PARG: variants seen among roughly 807,000 people sequenced by gnomAD.
PARG encodes mitochondrial poly(ADP-ribose) glycohydrolase.
In PARG, 35 loss-of-function variants were observed where a neutral mutation model predicts 113.0. The observed-to-expected ratio is 0.31, with a 90% CI of 0.24 to 0.41. The LOEUF is 0.41. Ranked by LOEUF, PARG falls within the 10% of genes least tolerant of loss-of-function variation. PARG has a pLI of 1.00. For missense variants in PARG, 797 were observed against 1,169.4 expected (o/e 0.68, Z 4.64); for synonymous variants, 330 against 409.9 (o/e 0.81, Z 2.36).
intron 9 of PARG, among the ~76,000 whole-genome samples, chr10:49,873,398 A>G (rs1258927192): frequency 2.1e-5 from 3 of 145,756 alleles, no homozygotes; most frequent in African/African-American, 5.1e-5. Flanking sequence ...TTCAGAAGCC[A>G]CATAAAAGTG....
chr10:49,857,676 A>C (rs1449629627), intron 12 of PARG, among the ~76,000 whole-genome samples: 6 of 151,706 alleles, frequency 4.0e-5, no homozygotes, highest in African/African-American at 1.5e-4. Context: ...CAGAGAAGCA[A>C]TCTGGAAAAT....
intron 9 of PARG, among the ~76,000 whole-genome samples, chr10:49,878,470 T>G (rs1847053124): frequency 6.7e-6 from 1 of 150,206 alleles, no homozygotes; most frequent in Non-Finnish European, 1.5e-5. Flanking sequence ...ATACAAAAAT[T>G]AGCCAGGCGT....
chr10:49,890,858 C>A (rs1847739769), intron 7 of PARG, among the ~76,000 whole-genome samples: 1 of 152,192 alleles, frequency 6.6e-6, no homozygotes, highest in Non-Finnish European at 1.5e-5. Flanking sequence ...TTATACATGA[C>A]TAAGTACTAT....
intron 16 of PARG, among the ~76,000 whole-genome samples, chr10:49,823,680 T>C (rs2132352551): frequency 6.6e-6 from 1 of 152,110 alleles, no homozygotes; most frequent in South Asian, 2.1e-4. Context: ...CACCAAGAAG[T>C]ACCATTTCTT....
intron 7 of PARG, among the ~76,000 whole-genome samples, chr10:49,892,284 A>G (rs1309751333): frequency 6.6e-6 from 1 of 152,220 alleles, no homozygotes; most frequent in African/African-American, 2.4e-5. Context: ...AACAAAAAGA[A>G]AAGAAATATT....
Position 49,912,386 on chromosome 10 carries a change from C to T in PARG, c.1737+3531G>A, listed in dbSNP as rs367608277. Among the ~76,000 whole-genome samples the T allele has an allele frequency of 3.4e-4, 51 of 151,846 alleles. 1 individual carries two copies. The East Asian group carries it at 5.1e-3, about 15-fold the overall frequency. ...TGTTTAAGAACCCTTAGTTTAAGGCCGAGCGCGGTGGCTCATGCCTGTAAT... is the reference window on the plus strand; with the variant it reads ...TGTTTAAGAACCCTTAGTTTAAGGCTGAGCGCGGTGGCTCATGCCTGTAAT... On this transcript the variant is annotated intron_variant, in intron 7 of 17. Coordinates refer to ENST00000616448, the MANE Select transcript of PARG (RefSeq NM_003631.5).
chr10:49,911,260 G>T (rs1192040466), intron 7 of PARG, among the ~76,000 whole-genome samples: 2 of 150,046 alleles, frequency 1.3e-5, no homozygotes, highest in East Asian at 3.9e-4. Flanking sequence ...TCCAGCCTGA[G>T]TGACAGAGAA....
intron 7 of PARG, among the ~76,000 whole-genome samples, chr10:49,895,360 T>C (rs1243042026): frequency 6.6e-6 from 1 of 152,160 alleles, no homozygotes; most frequent in African/African-American, 2.4e-5. Context: ...TTCTACAAAA[T>C]GCCTGCTTGG....
chr10:49,852,566 CTTTTT>C (rs1275936912), intron 13 of PARG, among the ~76,000 whole-genome samples: 32 of 146,060 alleles, frequency 2.2e-4, no homozygotes, highest in African/African-American at 7.0e-4. Flanking sequence ...TCTTCTTCTT[CTTTTT>C]TTCTTTTTTT....
chr10:49,921,790 T>C (rs1298482105), intron 6 of PARG, among the ~76,000 whole-genome samples: 1 of 151,516 alleles, frequency 6.6e-6, no homozygotes, highest in African/African-American at 2.4e-5. Context: ...TTTTAGATAT[T>C]AGAAAAACAA....
intron 14 of PARG, 97 bp from the exon 15 acceptor site, chr10:49,842,155 A>G: frequency 1.3e-6 from 1 of 774,046 alleles, no homozygotes; most frequent in South Asian, 1.5e-5. Context: ...TAGCTCTGTT[A>G]AAATATTAAA....
At chr10:49,846,102 A>T (rs1564609229) in intron 13 of PARG, among the ~76,000 whole-genome samples, 1 of 151,742 alleles carries the variant, frequency 6.6e-6, no homozygotes, top group Non-Finnish European at 1.5e-5. Context: ...TTGATAAAAA[A>T]TTAACAAAAC....
rs151126265 is a variant in PARG at position 49,842,198 on chromosome 10, G to A, written c.2433-140C>T. ...CAGTGTCTGCAGGTCTGAGCAAAAG[G>A]AAAGGAAAGGAAACACCCTTTATTT... On this transcript the variant is annotated intron_variant, in intron 14 of 17. Coordinates refer to ENST00000616448, the MANE Select transcript of PARG (RefSeq NM_003631.5). The A allele has an allele frequency of 6.1e-3, 3,776 of 615,110 alleles. 18 individuals carry two copies. Among genetic ancestry groups the A allele is most frequent in the Middle Eastern group, 0.023 (74 of 3,268 alleles). The allele number at this position is 615,110 out of a possible 1,614,324, so 38.1% of individuals were successfully genotyped here. A position where few individuals can be genotyped will look rare whatever the true frequency, so the allele number is the denominator to read the frequency against.
chr10:49,901,694 A>AT (rs1236249090), intron 7 of PARG, among the ~76,000 whole-genome samples: 4 of 151,986 alleles, frequency 2.6e-5, no homozygotes, highest in Admixed American at 6.6e-5. Context: ...GTTAAAACAA[A>AT]TGCTATTACA....
At chr10:49,919,092 C>A (rs782094111) in intron 6 of PARG, among the ~76,000 whole-genome samples, 1 of 152,060 alleles carries the variant, frequency 6.6e-6, no homozygotes, top group East Asian at 1.9e-4. Context: ...AGGCACCCAC[C>A]ACCGTGCCCG....
intron 15 of PARG, among the ~76,000 whole-genome samples, chr10:49,841,534 T>G (rs929124895): frequency 6.6e-6 from 1 of 152,214 alleles, no homozygotes; most frequent in Admixed American, 6.5e-5. Context: ...AAATCTTACC[T>G]AAAATAGAAC....
chr10:49,841,942 T>C lies in PARG; in HGVS notation c.2541+8A>G. ...CTGCCAGATGAACTAAGAAATAAGG[T>C]TACTGGCCTTGTTCAGCTCGCGTCT... On this transcript the variant is annotated splice_region_variant and intron_variant, in intron 15 of 17. Transcript: ENST00000616448. The C allele has an allele frequency of 2.0e-6, 3 of 1,516,792 alleles. No homozygotes were observed. Among genetic ancestry groups the C allele is most frequent in the African/African-American group, 1.4e-5 (1 of 72,598 alleles). The allele number at this position is 1,516,792 out of a possible 1,614,324, so 94.0% of individuals were successfully genotyped here. A position where few individuals can be genotyped will look rare whatever the true frequency, so the allele number is the denominator to read the frequency against.
chr10:49,903,444 T>A (rs1848433029), intron 7 of PARG, among the ~76,000 whole-genome samples: 1 of 151,974 alleles, frequency 6.6e-6, no homozygotes, highest in African/African-American at 2.4e-5. Flanking sequence ...TTTTGTGTGC[T>A]GGACTACTCT....
chr10:49,880,812 A>G (rs1392412853), intron 8 of PARG, among the ~76,000 whole-genome samples: 1 of 152,204 alleles, frequency 6.6e-6, no homozygotes, highest in Non-Finnish European at 1.5e-5. Flanking sequence ...TTTTATAATA[A>G]TAAGACTCAA....
Sources: allele counts gnomAD v4.1 joint callset (sites outside exome capture counted in the v4.1 genomes callset), GRCh38; gene constraint gnomAD v4.1.1; transcripts MANE v1.5; gene names NCBI Gene and HGNC (gene_info 2026-07-23, HGNC 2026-07-21).